EPHA3: variants seen among roughly 807,000 people sequenced by gnomAD.
EPHA3 encodes EPH receptor A3.
In EPHA3, 42 loss-of-function variants were observed where a neutral mutation model predicts 107.1. The ratio of observed to expected loss-of-function variants is 0.39; its 90% CI spans 0.31 to 0.51. EPHA3 has a LOEUF of 0.51. EPHA3 is among the 20% of genes least tolerant of loss of function. The probability of loss-of-function intolerance (pLI) is 0.78; values close to 1 mark genes in which losing one functional copy is unlikely to be tolerated. For missense variants in EPHA3, 1,183 were observed against 1,211.2 expected (o/e 0.98, Z 0.35); for synonymous variants, 461 against 424.8 (o/e 1.09, Z -1.05).
At chr3:89,143,187 A>G (rs1474799636) in intron 2 of EPHA3, among the ~76,000 whole-genome samples, 1 of 151,450 alleles carries the variant, frequency 6.6e-6, no homozygotes, top group East Asian at 1.9e-4. Context: ...TTTTAATGAG[A>G]CTAGATTTCT....
chr3:89,249,543 C>G (rs913609504), intron 3 of EPHA3, among the ~76,000 whole-genome samples: 2 of 152,146 alleles, frequency 1.3e-5, no homozygotes, highest in Admixed American at 6.5e-5. Flanking sequence ...TCACTGCAAC[C>G]TCCACCTCCT....
intron 10 of EPHA3, among the ~76,000 whole-genome samples, chr3:89,418,852 C>T (rs1157147838): frequency 1.3e-5 from 2 of 151,336 alleles, no homozygotes; most frequent in South Asian, 2.1e-4. Flanking sequence ...TTGGTGCTGT[C>T]CTGTTAATTT....
At chr3:89,119,886 C>T (rs376502557) in intron 1 of EPHA3, among the ~76,000 whole-genome samples, 18 of 152,050 alleles carry the variant, frequency 1.2e-4, no homozygotes, top group East Asian at 7.7e-4. Context: ...TTATATCCAA[C>T]GGACTTCTAG....
intron 5 of EPHA3, among the ~76,000 whole-genome samples, chr3:89,361,080 G>T (rs1293507626): frequency 6.6e-6 from 1 of 150,880 alleles, no homozygotes; most frequent in East Asian, 1.9e-4. Context: ...TTAACATCTT[G>T]CATATAAAAT....
intron 5 of EPHA3, among the ~76,000 whole-genome samples, chr3:89,363,410 G>A (rs1708133685): frequency 6.6e-6 from 1 of 150,842 alleles, no homozygotes; most frequent in Non-Finnish European, 1.5e-5. Context: ...TGACATTGCA[G>A]CTTGAGTCTG....
intron 2 of EPHA3, among the ~76,000 whole-genome samples, chr3:89,131,718 T>C (rs2106988229): frequency 6.6e-6 from 1 of 152,298 alleles, no homozygotes; most frequent in East Asian, 1.9e-4. Context: ...GAGTAATATA[T>C]GTTTGTGGAA....
At chr3:89,242,148 T>G (rs746482224) in intron 3 of EPHA3, among the ~76,000 whole-genome samples, 1 of 152,204 alleles carries the variant, frequency 6.6e-6, no homozygotes. Flanking sequence ...GAAGACGATC[T>G]TTGTCTAATT....
chr3:89,433,911 C>T (rs1327941991), intron 13 of EPHA3, among the ~76,000 whole-genome samples: 2 of 152,100 alleles, frequency 1.3e-5, no homozygotes, highest in African/African-American at 4.8e-5. Context: ...ACTGAGCTAC[C>T]AATTCAGTAG....
intron 13 of EPHA3, among the ~76,000 whole-genome samples, chr3:89,439,103 G>C (rs1417691101): frequency 6.6e-6 from 1 of 152,176 alleles, no homozygotes; most frequent in East Asian, 1.9e-4. Flanking sequence ...TTGGTAAAAT[G>C]ACACTAGAGC....
chr3:89,160,594 G>A (rs1412718691), intron 2 of EPHA3, among the ~76,000 whole-genome samples: 5 of 148,676 alleles, frequency 3.4e-5, no homozygotes, highest in Admixed American at 1.3e-4. Context: ...GTGTGTGCGC[G>A]CATTCTTTTT....
chr3:89,225,061 T>C (rs1704471620), intron 3 of EPHA3, among the ~76,000 whole-genome samples: 1 of 152,098 alleles, frequency 6.6e-6, no homozygotes, highest in Non-Finnish European at 1.5e-5. Context: ...ATGTGAAAGT[T>C]ATTTGGAAAT....
At chr3:89,347,786 C>T (rs1304809532) in intron 5 of EPHA3, among the ~76,000 whole-genome samples, 5 of 150,550 alleles carry the variant, frequency 3.3e-5, no homozygotes, top group Admixed American at 6.6e-5. Context: ...TGAAATACGT[C>T]CCATCAATAC....
chr3:89,203,937 C>A (rs1706037635), intron 2 of EPHA3, among the ~76,000 whole-genome samples: 4 of 152,024 alleles, frequency 2.6e-5, no homozygotes, highest in African/African-American at 9.7e-5. Flanking sequence ...AGCCCAGCTG[C>A]GAGGTTGCTG....
chr3:89,355,024 A>G (rs570634281), intron 5 of EPHA3, among the ~76,000 whole-genome samples: 1 of 151,264 alleles, frequency 6.6e-6, no homozygotes, highest in Non-Finnish European at 1.5e-5. Flanking sequence ...ATGCTAATTC[A>G]AAAGCACCCT....
intron 2 of EPHA3, among the ~76,000 whole-genome samples, chr3:89,142,929 A>G (rs997280489): frequency 2.0e-5 from 3 of 151,416 alleles, no homozygotes; most frequent in South Asian, 2.1e-4. Context: ...AAATGACTGA[A>G]CAGTTAACTA....
chr3:89,195,856 G>A (rs934209085), intron 2 of EPHA3, among the ~76,000 whole-genome samples: 4 of 152,040 alleles, frequency 2.6e-5, no homozygotes, highest in African/African-American at 9.7e-5. Flanking sequence ...TAAATCTCAC[G>A]AGTGATGAGA....
intron 3 of EPHA3, among the ~76,000 whole-genome samples, chr3:89,296,091 G>T (rs1048699922): frequency 6.6e-6 from 1 of 152,180 alleles, no homozygotes; most frequent in African/African-American, 2.4e-5. Flanking sequence ...TAGGCAGTTA[G>T]TTCTTCCTCT....
At chr3:89,361,979 T>C (rs1319626134) in intron 5 of EPHA3, among the ~76,000 whole-genome samples, 3 of 151,150 alleles carry the variant, frequency 2.0e-5, no homozygotes, top group Non-Finnish European at 4.4e-5. Context: ...TTACTTTAAG[T>C]GAAAATATTT....
At chr3:89,471,850 G>T (rs1710410088) in intron 15 of EPHA3, among the ~76,000 whole-genome samples, 1 of 151,972 alleles carries the variant, frequency 6.6e-6, no homozygotes, top group Admixed American at 6.6e-5. Flanking sequence ...TATATATCAT[G>T]AACTTCATTT....
Sources: allele counts gnomAD v4.1 joint callset (sites outside exome capture counted in the v4.1 genomes callset), GRCh38; gene constraint gnomAD v4.1.1; transcripts MANE v1.5; gene names NCBI Gene and HGNC (gene_info 2026-07-23, HGNC 2026-07-21).